NOS1AP: variants seen among roughly 807,000 people sequenced by gnomAD.
NOS1AP encodes the protein nitric oxide synthase 1 adaptor protein, also known as carboxyl-terminal PDZ ligand of neuronal nitric oxide synthase protein.
NOS1AP carries 21 observed loss-of-function variants against 56.2 expected under a neutral mutation model. That is an observed-to-expected ratio of 0.37 (90% confidence interval 0.26 to 0.54). NOS1AP has a LOEUF of 0.54. Ranked by LOEUF, NOS1AP falls within the 20% of genes least tolerant of loss-of-function variation. The pLI is 0.84. For synonymous variants in NOS1AP, 270 were observed against 274.6 expected (o/e 0.98, Z 0.17); for missense variants, 522 against 657.8 (o/e 0.79, Z 2.26).
In NOS1AP at chr1:162,154,307, A is replaced by G. The variant is rs940744804; in HGVS notation, c.106-98A>G. 2.4e-5 allele frequency: 24 copies of G among 994,330 alleles called. No individual in the cohort carries two copies. The African/African-American group carries it at 3.8e-4, about 16-fold the overall frequency. 61.6% of individuals were successfully genotyped at this position (994,330 alleles called of 1,614,324 possible). On this transcript the variant is annotated intron_variant, in intron 1 of 9. Transcript: ENST00000361897. ...TGGCTCTTAATTTCTTCATCTGTAA[A>G]ATGGGCAGATGAGCTAGTCCTTTAC...
chr1:162,279,275 G>T (rs750855258), intron 2 of NOS1AP, among the ~76,000 whole-genome samples: 7 of 152,154 alleles, frequency 4.6e-5, no homozygotes, highest in Non-Finnish European at 1.0e-4. Flanking sequence ...GAAAAGTGAT[G>T]GCTGTATTCC....
intron 1 of NOS1AP, among the ~76,000 whole-genome samples, chr1:162,153,295 A>C (rs1238853816): frequency 6.6e-6 from 1 of 152,000 alleles, no homozygotes; most frequent in Non-Finnish European, 1.5e-5. Context: ...CACCCAGCTA[A>C]TTTTTGTGTT....
chr1:162,101,774 T>A (rs1373207914), intron 1 of NOS1AP, among the ~76,000 whole-genome samples: 1 of 152,192 alleles, frequency 6.6e-6, no homozygotes, highest in African/African-American at 2.4e-5. Flanking sequence ...TGCTAGCAAT[T>A]TTTGCACATG....
chr1:162,102,590 G>A (rs933976019), intron 1 of NOS1AP, among the ~76,000 whole-genome samples: 3 of 152,038 alleles, frequency 2.0e-5, no homozygotes, highest in Middle Eastern at 3.4e-3. Flanking sequence ...TTTTTGGTTG[G>A]TAGGCTATTT....
intron 2 of NOS1AP, among the ~76,000 whole-genome samples, chr1:162,214,837 A>G (rs535924147): frequency 4.5e-4 from 68 of 152,242 alleles, no homozygotes; most frequent in African/African-American, 1.6e-3. Context: ...CTGTACGCTA[A>G]CATTTGTTTG....
At chr1:162,215,888 G>A (rs565898269) in intron 2 of NOS1AP, among the ~76,000 whole-genome samples, 5 of 152,328 alleles carry the variant, frequency 3.3e-5, no homozygotes, top group African/African-American at 1.2e-4. Context: ...TGCTTCTTTT[G>A]TTAGCATTTT....
chr1:162,294,698 C>G (rs1005851800), intron 3 of NOS1AP, among the ~76,000 whole-genome samples: 15 of 152,112 alleles, frequency 9.9e-5, no homozygotes, highest in African/African-American at 3.1e-4. Context: ...TTAATAAACT[C>G]TAGTTTAGAG....
intron 4 of NOS1AP, among the ~76,000 whole-genome samples, chr1:162,319,173 A>T (rs929625193): frequency 2.0e-5 from 3 of 152,132 alleles, no homozygotes; most frequent in Non-Finnish European, 4.4e-5. Flanking sequence ...TTTGTAGATG[A>T]GAAAACTAAA....
intron 2 of NOS1AP, among the ~76,000 whole-genome samples, chr1:162,189,692 G>A (rs12039600): frequency 0.12 from 17,962 of 152,212 alleles, 1,620 homozygotes; most frequent in East Asian, 0.38. Context: ...GGTCAGTTCT[G>A]TGAATAAAAT....
At chr1:162,127,337 A>G (rs2102059120) in intron 1 of NOS1AP, among the ~76,000 whole-genome samples, 1 of 152,306 alleles carries the variant, frequency 6.6e-6, no homozygotes, top group African/African-American at 2.4e-5. Flanking sequence ...TGGGTTTACA[A>G]AGTTTTAATA....
chr1:162,090,251 A>G (rs1692100583), intron 1 of NOS1AP, among the ~76,000 whole-genome samples: 1 of 151,734 alleles, frequency 6.6e-6, no homozygotes, highest in East Asian at 1.9e-4. Context: ...TTTTTAAAAA[A>G]TCTTAAGTGT....
intron 2 of NOS1AP, among the ~76,000 whole-genome samples, chr1:162,182,702 A>G (rs1219787920): frequency 1.3e-5 from 2 of 152,216 alleles, no homozygotes; most frequent in South Asian, 2.1e-4. Context: ...AGTATATTCC[A>G]TCTCAAGAAA....
rs115386925 is a variant in NOS1AP at position 162,303,981 on chromosome 1, T to C, written c.344+3275T>C. 8.6e-3 allele frequency among the ~76,000 whole-genome samples: 1,302 copies of C among 151,624 alleles called. 20 individuals carry two copies. The highest frequency in any genetic ancestry group is 0.029 in the African/African-American group (1,214 of 41,350). On this transcript the variant is annotated intron_variant, in intron 4 of 9. Transcript: ENST00000361897. ...TAAATTCTGATGGAGTCCAATTTGTTAATTTTTAAAATTTTATTGATTGTG... is the reference window on the plus strand; with the variant it reads ...TAAATTCTGATGGAGTCCAATTTGTCAATTTTTAAAATTTTATTGATTGTG...
intron 2 of NOS1AP, among the ~76,000 whole-genome samples, chr1:162,244,915 G>A (rs923462256): frequency 4.6e-5 from 7 of 152,174 alleles, no homozygotes; most frequent in Non-Finnish European, 8.8e-5. Flanking sequence ...GAGTATACAT[G>A]CATTTGAGTA....
chr1:162,337,388 A>T (rs997730875), intron 5 of NOS1AP, among the ~76,000 whole-genome samples: 14 of 152,218 alleles, frequency 9.2e-5, no homozygotes, highest in African/African-American at 3.1e-4. Flanking sequence ...ATTTTGAATG[A>T]TGATGACAGC....
chr1:162,084,132 A>C (rs1412788142), intron 1 of NOS1AP, among the ~76,000 whole-genome samples: 1 of 152,208 alleles, frequency 6.6e-6, no homozygotes, highest in Non-Finnish European at 1.5e-5. Flanking sequence ...TTTAAGACCC[A>C]TGTCAGGTAA....
intron 7 of NOS1AP, among the ~76,000 whole-genome samples, chr1:162,355,735 G>A (rs1033770870): frequency 5.3e-5 from 8 of 152,048 alleles, no homozygotes; most frequent in African/African-American, 1.9e-4. Flanking sequence ...AGTCAGTTTG[G>A]GCCCGCTCTG....
chr1:162,359,863 C>T (rs1357623900), intron 8 of NOS1AP, among the ~76,000 whole-genome samples: 3 of 152,156 alleles, frequency 2.0e-5, no homozygotes, highest in Non-Finnish European at 4.4e-5. Context: ...AAACTATGAC[C>T]TCAGCCTTTC....
rs536486107 is a variant in NOS1AP at position 162,318,617 on chromosome 1, T to C, written c.345-14400T>C. Among the ~76,000 whole-genome samples, 7 of 152,284 alleles carry C rather than the reference T, an allele frequency of 4.6e-5. No homozygotes were observed. In the East Asian group the frequency reaches 1.4e-3, roughly 29 times the overall value. On this transcript the variant is annotated intron_variant, in intron 4 of 9. Coordinates refer to ENST00000361897, the MANE Select transcript of NOS1AP (RefSeq NM_014697.3). ...CGCCCTCCATTTAAATGGGTACTGT[T>C]AGTGGGATTCTCTCAATGAGCCCCC... is the stretch of plus-strand genomic sequence containing the variant.
Sources: gnomAD v4.1 joint callset for allele counts (sites outside exome capture counted in the v4.1 genomes callset) on GRCh38, gnomAD v4.1.1 for gene constraint, MANE v1.5 for transcripts, NCBI Gene and HGNC (gene_info 2026-07-23, HGNC 2026-07-21) for gene names.